Variants in ENPEP observed in about 807,000 individuals in gnomAD.
ENPEP encodes AP-A.
ENPEP carries 103 observed loss-of-function variants against 114.5 expected under a neutral mutation model. The observed-to-expected ratio is 0.90, with a 90% CI of 0.77 to 1.06. ENPEP has a LOEUF of 1.06. ENPEP is among the 50% of genes least tolerant of loss of function. The pLI is 0.00. For synonymous variants in ENPEP, 420 were observed against 422.0 expected (o/e 1.00, Z 0.06); for missense variants, 1,196 against 1,161.3 (o/e 1.03, Z -0.43).
chr4:110,499,903 G>A (rs1725088398), intron 3 of ENPEP: 1 of 152,034 alleles, frequency 6.6e-6, no homozygotes. Flanking sequence ...ATTGACGTGT[G>A]GAGTAAAAGA....
chr4:110,554,351 G>A (rs1451726541), intron 18 of ENPEP, among the ~76,000 whole-genome samples: 1 of 151,954 alleles, frequency 6.6e-6, no homozygotes, highest in Non-Finnish European at 1.5e-5. Flanking sequence ...CTACCCCACA[G>A]CTCACCAGAG....
In ENPEP at chr4:110,520,034, G is replaced by A. The variant is rs374491820; in HGVS notation, c.1536G>A (p.Lys512=). Reference sequence around the variant, plus strand: ...TGTACTTGGAAAAATACCAATTCAAGAATGCAAAAACTTCTGATTTTTGGG... The same window carrying A: ...TGTACTTGGAAAAATACCAATTCAAAAATGCAAAAACTTCTGATTTTTGGG... ...CQMYLEKYQF[K]NAKTSDFWAA... The change falls in exon 9 of 20, where the codon AAG becomes AAA. Residue 512 remains lysine, a synonymous_variant. Transcript: ENST00000265162. The A allele has an allele frequency of 6.2e-7, 1 of 1,613,940 alleles. No individual in the cohort carries two copies. Among genetic ancestry groups the A allele is most frequent in the South Asian group, 1.1e-5 (1 of 91,062 alleles).
chr4:110,500,379 T>C (rs1280116239), intron 3 of ENPEP, among the ~76,000 whole-genome samples: 1 of 152,202 alleles, frequency 6.6e-6, no homozygotes, highest in East Asian at 1.9e-4. Context: ...CCAAAGTTTT[T>C]CCACTGATAC....
intron 4 of ENPEP, among the ~76,000 whole-genome samples, chr4:110,507,136 G>A (rs1030766307): frequency 6.6e-6 from 1 of 152,148 alleles, no homozygotes; most frequent in South Asian, 2.1e-4. Flanking sequence ...CCTGTCATCA[G>A]CGAGTTAAAA....
At chr4:110,518,923 A>C in intron 8 of ENPEP, 6 of 369,046 alleles carry the variant, frequency 1.6e-5, no homozygotes, top group South Asian at 4.5e-5. Flanking sequence ...TATAACTATT[A>C]CTATGCCAAG....
At chr4:110,520,491 TAGGGGAACA>T in intron 10 of ENPEP, 125 bp downstream of exon 10, 1 of 1,009,722 alleles carries the variant, frequency 9.9e-7, no homozygotes, top group Non-Finnish European at 1.5e-6. Flanking sequence ...ACAGTGCCTT[TAGGGGAACA>T]AGGAATTCAA....
At chr4:110,533,103 G>T in intron 11 of ENPEP, 1 of 453,428 alleles carries the variant, frequency 2.2e-6, no homozygotes, top group Non-Finnish European at 4.4e-6. Context: ...AGGATTGGAA[G>T]AATATCTCGG....
At chr4:110,544,089 A>G (rs1265896478) in intron 13 of ENPEP, among the ~76,000 whole-genome samples, 1 of 152,042 alleles carries the variant, frequency 6.6e-6, no homozygotes, top group African/African-American at 2.4e-5. Flanking sequence ...TAGTATATTA[A>G]AAGTCAGAAA....
At chr4:110,524,525 G>T (rs1032811917) in intron 10 of ENPEP, among the ~76,000 whole-genome samples, 7 of 152,086 alleles carry the variant, frequency 4.6e-5, no homozygotes, top group Non-Finnish European at 7.4e-5. Context: ...CACCACCAAA[G>T]AAGCAGATTT....
chr4:110,481,567 T>C (rs1233585984), intron 1 of ENPEP, among the ~76,000 whole-genome samples: 2 of 152,208 alleles, frequency 1.3e-5, no homozygotes, highest in Non-Finnish European at 2.9e-5. Flanking sequence ...ACATGACTAG[T>C]ATCCTCTGGC....
Position 110,548,276 on chromosome 4 carries a change from T to C in ENPEP, c.2101T>C (p.Tyr701His). ...PWQRVISAVT[Y>H]IISMFEDDKE... ...GCAGAGAGTAATTTCAGCTGTAACC[T>C]ACATCATTAGCATGTTTGAAGATGA... is the stretch of plus-strand genomic sequence containing the variant. The change falls in exon 14 of 20, where the codon TAC becomes CAC. Residue 701 changes from tyrosine (Y) to histidine (H), a missense_variant. By Grantham distance (83) the Tyr-to-His change is moderately conservative. Transcript: ENST00000265162. 2 of 1,597,192 alleles carry C rather than the reference T, an allele frequency of 1.3e-6. No homozygotes were observed. The highest frequency in any genetic ancestry group is 1.7e-6 in the Non-Finnish European group (2 of 1,171,036).
chr4:110,554,524 T>C (rs1727402537), intron 18 of ENPEP, among the ~76,000 whole-genome samples: 1 of 151,922 alleles, frequency 6.6e-6, no homozygotes, highest in Non-Finnish European at 1.5e-5. Flanking sequence ...TCTATGAAGA[T>C]TGGTTGGTGT....
At chr4:110,515,249 A>G in intron 7 of ENPEP, 128 bp from the exon 8 acceptor site, 1 of 733,048 alleles carries the variant, frequency 1.4e-6, no homozygotes. Flanking sequence ...CATATAATTT[A>G]GCAGAATCAT....
intron 19 of ENPEP, among the ~76,000 whole-genome samples, chr4:110,559,955 C>G (rs146435247): frequency 0.024 from 3,613 of 152,214 alleles, 74 homozygotes; most frequent in Non-Finnish European, 0.041. Context: ...CTCCCCACCC[C>G]CTGACAGGCC....
Position 110,509,700 on chromosome 4 carries a change from G to A in ENPEP, c.1087G>A (p.Gly363Arg), listed in dbSNP as rs951534848. ...DFGTGAMENW[G>R]LITYRETNLL... ...TGGCACTGGTGCCATGGAGAACTGG[G>A]GACTCATCACGTACAGAGAAACGAA... Residue 363 changes from glycine (G) to arginine (R), a missense_variant, in exon 5 of 20, where the codon GGA becomes AGA. Gly to Arg is a moderately radical substitution (Grantham distance 125). Transcript: ENST00000265162. The A allele has an allele frequency of 1.2e-6, 2 of 1,614,098 alleles. No homozygotes were observed. The highest frequency in any genetic ancestry group is 1.7e-6 in the Non-Finnish European group (2 of 1,179,984).
chr4:110,498,049 A>C, intron 3 of ENPEP, among the ~76,000 whole-genome samples: 1 of 152,258 alleles, frequency 6.6e-6, no homozygotes, highest in Non-Finnish European at 1.5e-5. Context: ...TGGCTACCTC[A>C]GTATTGATAA....
chr4:110,496,928 G>GT (rs1724964490), intron 3 of ENPEP, among the ~76,000 whole-genome samples: 2 of 152,154 alleles, frequency 1.3e-5, no homozygotes, highest in African/African-American at 2.4e-5. Context: ...CCAATCTTCT[G>GT]TTTTTTAGAA....
At chr4:110,559,495 G>C in intron 18 of ENPEP, 152 bp from the exon 19 acceptor site, 1 of 606,250 alleles carries the variant, frequency 1.6e-6, no homozygotes, top group Admixed American at 3.1e-5. Flanking sequence ...TGAATAGAAT[G>C]ATTTTAAGTA....
chr4:110,548,412 G>T (rs1727162178), intron 14 of ENPEP, 86 bp downstream of exon 14: 1 of 1,181,600 alleles, frequency 8.5e-7, no homozygotes, highest in African/African-American at 1.6e-5. Context: ...GAGCTCTTGG[G>T]GACCTAAACC....
Sources: allele counts gnomAD v4.1 joint callset (sites outside exome capture counted in the v4.1 genomes callset), GRCh38; gene constraint gnomAD v4.1.1; transcripts MANE v1.5; gene names NCBI Gene and HGNC (gene_info 2026-07-23, HGNC 2026-07-21).